The following SLC18A2 variants were observed in gnomAD, a reference collection of about 807,000 sequenced individuals.
SLC18A2 encodes synaptic vesicular amine transporter.
SLC18A2 carries 33 observed loss-of-function variants against 59.2 expected under a neutral mutation model. That is an observed-to-expected ratio of 0.56 (90% CI 0.42 to 0.75). The LOEUF is 0.75. SLC18A2 is among the 30% of genes least tolerant of loss of function. SLC18A2 has a pLI of 0.00. For missense variants in SLC18A2, 569 were observed against 668.6 expected (o/e 0.85, Z 1.64); for synonymous variants, 228 against 253.5 (o/e 0.90, Z 0.95).
chr10:117,253,517 ATGAG>A, intron 4 of SLC18A2, 60 bp downstream of exon 4: 35 of 824,890 alleles, frequency 4.2e-5, no homozygotes, highest in Non-Finnish European at 6.2e-5. Flanking sequence ...ATTGATGCCC[ATGAG>A]CCGGGAATTA....
chr10:117,248,110 C>T (rs1319595572), intron 3 of SLC18A2, among the ~76,000 whole-genome samples: 1 of 152,138 alleles, frequency 6.6e-6, no homozygotes, highest in Non-Finnish European at 1.5e-5. Context: ...GCTGAGACTA[C>T]ATGCCACCAT....
chr10:117,259,129 A>G (rs1394867369), intron 10 of SLC18A2, among the ~76,000 whole-genome samples: 1 of 152,218 alleles, frequency 6.6e-6, no homozygotes, highest in Non-Finnish European at 1.5e-5. Flanking sequence ...CAGCACTGAC[A>G]TTATTGTGAC....
At position 117,255,582 on chromosome 10, in the gene SLC18A2, T is replaced by G. The variant is rs1844220082; in HGVS notation, c.835-15T>G. 3 of 1,613,900 alleles carry G rather than the reference T, an allele frequency of 1.9e-6. No individual in the cohort carries two copies. Among genetic ancestry groups the G allele is most frequent in the Non-Finnish European group, 2.5e-6 (3 of 1,179,970 alleles). On this transcript the variant is annotated splice_polypyrimidine_tract_variant and intron_variant, in intron 8 of 15. Transcript: ENST00000644641. ...GGCATGGTGCTGCTTCTGACCCGTG[T>G]TTTTTTCTTGACAGAGTCAGAAGGG...
Position 117,250,283 on chromosome 10 carries a change from G to A in SLC18A2, c.465-3116G>A, listed in dbSNP as rs570101757. The stretch of plus-strand genomic sequence containing the variant: ...TGAAAGTGCAGGCACAGGTGTGTCC[G>A]GTACTGAGGAGGCGGCAACATGAGC... On this transcript the variant is annotated intron_variant, in intron 3 of 15. Coordinates refer to ENST00000644641, the MANE Select transcript of SLC18A2 (RefSeq NM_003054.6). 1.3e-4 allele frequency among the ~76,000 whole-genome samples: 20 copies of A among 152,244 alleles called. No individual in the cohort carries two copies. In the South Asian group the frequency reaches 2.5e-3, roughly 19 times the overall value.
intron 15 of SLC18A2, among the ~76,000 whole-genome samples, chr10:117,271,682 TTCCCCAGC>T (rs1417768670): frequency 6.6e-6 from 1 of 152,188 alleles, no homozygotes; most frequent in Non-Finnish European, 1.5e-5. Flanking sequence ...GCTTAGATGC[TTCCCCAGC>T]TCTGAAAACC....
At position 117,279,164 on chromosome 10, in the gene SLC18A2, G is replaced by A. The variant is rs1029124941; in HGVS notation, c.*1898G>A. On this transcript the variant is annotated 3_prime_UTR_variant, in exon 16 of 16. Coordinates refer to ENST00000644641, the MANE Select transcript of SLC18A2 (RefSeq NM_003054.6). ...GGAGCAAAAGATAGCTTGTACTTGG[G>A]GAAAAAAATTCTAAGTTCTTTTATA... 7.9e-5 allele frequency: 12 copies of A among 152,024 alleles called. No individual in the cohort carries two copies. Among genetic ancestry groups the A allele is most frequent in the Admixed American group, 3.3e-4 (5 of 15,260 alleles). The allele number at this position is 152,024 out of a possible 1,614,324, so 9.4% of individuals were successfully genotyped here.
intron 5 of SLC18A2, 97 bp downstream of exon 5, chr10:117,254,228 TG>T: frequency 7.6e-7 from 1 of 1,317,520 alleles, no homozygotes; most frequent in Non-Finnish European, 1.1e-6. Context: ...GTTGGGGTGC[TG>T]GGGATTCTTG....
intron 10 of SLC18A2, among the ~76,000 whole-genome samples, chr10:117,266,088 TC>T (rs1565007674): frequency 5.0e-5 from 2 of 40,194 alleles, no homozygotes; most frequent in Non-Finnish European, 5.2e-5. Flanking sequence ...AGACTCCATC[TC>T]AAAAAAAAAA....
rs1844398602 is a variant in SLC18A2, at chr10:117,269,438, C to A, written c.1187-633C>A. On this transcript the variant is annotated intron_variant, in intron 13 of 15. Transcript: ENST00000644641. This position sits in a 1 kb window ranked among gnomAD's most constrained non-coding sequence, Gnocchi z 5.1. ...CACACATATACATACAGACATACAC[C>A]CCAGCAACAACCACGACCAGCATTA... is the stretch of plus-strand genomic sequence containing the variant. Among the ~76,000 whole-genome samples the A allele has an allele frequency of 6.6e-6, 1 of 151,992 alleles. No homozygotes were observed. Among genetic ancestry groups the A allele is most frequent in the African/African-American group, 2.4e-5 (1 of 41,374 alleles).
At chr10:117,261,220 CA>C (rs869062987) in intron 10 of SLC18A2, among the ~76,000 whole-genome samples, 1 of 152,032 alleles carries the variant, frequency 6.6e-6, no homozygotes, top group South Asian at 2.1e-4. Context: ...CAAAACAAAA[CA>C]AAAAACCCAA....
Position 117,241,764 on chromosome 10 carries a change from T to C in SLC18A2, c.71T>C (p.Phe24Ser). ...CGCCGCTCGCGGAAGCTCATCCTGT[T>C]CATCGTGTTCCTGGCGCTGCTGCTG... ...ESRRSRKLIL[F>S]IVFLALLLDN... Residue 24 changes from phenylalanine to serine, a missense_variant, in exon 2 of 16, where the codon TTC becomes TCC. Physicochemically the swap from Phe to Ser is radical, Grantham distance 155. Transcript: ENST00000644641. 1.2e-6 allele frequency: 2 copies of C among 1,611,360 alleles called. No individual in the cohort carries two copies.
chr10:117,264,278 A>T (rs1409807907), intron 10 of SLC18A2, among the ~76,000 whole-genome samples: 1 of 152,260 alleles, frequency 6.6e-6, no homozygotes, highest in Admixed American at 6.5e-5. Context: ...GGCCAGTCCC[A>T]GCCAACACTT....
intron 10 of SLC18A2, among the ~76,000 whole-genome samples, chr10:117,262,762 T>G (rs1844308405): frequency 6.6e-6 from 1 of 152,008 alleles, no homozygotes; most frequent in African/African-American, 2.4e-5. Context: ...CTCAACCTCC[T>G]GGGCTCAAGC....
At chr10:117,259,352 T>C (rs986698389) in intron 10 of SLC18A2, among the ~76,000 whole-genome samples, 5 of 152,230 alleles carry the variant, frequency 3.3e-5, no homozygotes, top group African/African-American at 1.2e-4. Context: ...ACCTGATCTT[T>C]CTGTGTATTT....
At position 117,261,225 on chromosome 10, in the gene SLC18A2, A is replaced by AAAACAAAACAAAACAAAAC. The variant is rs71301596; in HGVS notation, c.991+3334_991+3335insAACAAAACAAAACAAAACA. On this transcript the variant is annotated intron_variant, in intron 10 of 15. Transcript: ENST00000644641. ...CAAAACAAAACAAAACAAAACAAAA[A>AAAACAAAACAAAACAAAAC]ACCCAAAAACAGCAACAAAAAAATT... Among the ~76,000 whole-genome samples the AAAACAAAACAAAACAAAAC allele has an allele frequency of 7.4e-3, 1,111 of 150,910 alleles. 8 individuals are homozygous for AAAACAAAACAAAACAAAAC. The highest frequency in any genetic ancestry group is 0.022 in the African/African-American group (879 of 40,666).
At chr10:117,267,340 TG>T (rs1450243676) in intron 12 of SLC18A2, 1 of 446,198 alleles carries the variant, frequency 2.2e-6, no homozygotes, top group Non-Finnish European at 3.9e-6. Flanking sequence ...AATAGCAAGA[TG>T]TTTTTCTAGA....
Position 117,270,338 on chromosome 10 carries a change from G to T in SLC18A2, c.1315G>T (p.Ala439Ser). Residue 439 changes from alanine (A) to serine (S), a missense_variant, in exon 15 of 16, where the codon GCT becomes TCT. Ala to Ser is a moderately conservative substitution (Grantham distance 99). Around this residue, in one of 2 missense-constraint regions of SLC18A2, gnomAD observed 192 missense variants for 278.8 expected, o/e 0.69. Coordinates refer to ENST00000644641, the MANE Select transcript of SLC18A2 (RefSeq NM_003054.6). ...TCTCTGTTTCCTGAAAGGTCCTTCTGCTGGTGGTGCTATTGCAAAGGCAAT... is the reference window on the plus strand; with the variant it reads ...TCTCTGTTTCCTGAAAGGTCCTTCTTCTGGTGGTGCTATTGCAAAGGCAAT... ...FCMGYAIGPS[A>S]GGAIAKAIGF... 1 of 1,614,198 alleles carries T rather than the reference G, an allele frequency of 6.2e-7. No individual in the cohort carries two copies.
chr10:117,262,713 A>G (rs561568170), intron 10 of SLC18A2, among the ~76,000 whole-genome samples: 19 of 152,172 alleles, frequency 1.2e-4, no homozygotes, highest in African/African-American at 4.6e-4. Flanking sequence ...CCTGTTGCCC[A>G]GGCTGGAGTG....
At chr10:117,266,851 A>G in intron 11 of SLC18A2, 40 bp downstream of exon 11, 1 of 1,576,272 alleles carries the variant, frequency 6.3e-7, no homozygotes, top group Admixed American at 1.7e-5. Flanking sequence ...TGTTACAATA[A>G]TGTAGTTCTT....
Sources: gnomAD v4.1 joint callset for allele counts (sites outside exome capture counted in the v4.1 genomes callset) on GRCh38, gnomAD v4.1.1 for gene constraint, gnomAD v4.1.1 regional missense constraint, Gnocchi (gnomAD v3.1) non-coding constraint, MANE v1.5 for transcripts, NCBI Gene and HGNC (gene_info 2026-07-23, HGNC 2026-07-21) for gene names.